KCNC2: variants seen among roughly 807,000 people sequenced by gnomAD.
KCNC2 encodes the protein potassium voltage-gated channel subfamily C member 2, also known as voltage-gated potassium channel KCNC2.
A neutral mutation model predicts 44.5 loss-of-function variants in KCNC2; 21 were observed. That is an observed-to-expected ratio of 0.47 (90% CI 0.33 to 0.68). KCNC2 has a LOEUF of 0.68. Ranked by LOEUF, KCNC2 falls within the 30% of genes least tolerant of loss-of-function variation. KCNC2 has a pLI of 0.01. For synonymous variants in KCNC2, 391 were observed against 339.1 expected (o/e 1.15, Z -1.68); for missense variants, 589 against 826.2 (o/e 0.71, Z 3.52).
chr12:75,146,327 T>C (rs1890026962), intron 2 of KCNC2, among the ~76,000 whole-genome samples: 1 of 152,174 alleles, frequency 6.6e-6, no homozygotes, highest in Non-Finnish European at 1.5e-5. Flanking sequence ...AACATGTAGA[T>C]ATACTCACCA....
At chr12:75,132,998 G>A (rs1258504118) in intron 2 of KCNC2, among the ~76,000 whole-genome samples, 1 of 151,816 alleles carries the variant, frequency 6.6e-6, no homozygotes, top group Admixed American at 6.6e-5. Context: ...AGGTTGCTTC[G>A]AATCTTGAAT....
intron 2 of KCNC2, among the ~76,000 whole-genome samples, chr12:75,196,547 G>T (rs191604537): frequency 6.6e-6 from 1 of 152,168 alleles, no homozygotes; most frequent in East Asian, 1.9e-4. Flanking sequence ...ACATAAATGT[G>T]CTCAGTCTTT....
intron 2 of KCNC2, among the ~76,000 whole-genome samples, chr12:75,180,253 C>A (rs1365777474): frequency 6.6e-6 from 1 of 151,814 alleles, no homozygotes; most frequent in African/African-American, 2.4e-5. Context: ...AAGACTACAT[C>A]TGGTTTTGTT....
intron 2 of KCNC2, among the ~76,000 whole-genome samples, chr12:75,059,817 G>C (rs2136982974): frequency 6.7e-6 from 1 of 150,336 alleles, no homozygotes; most frequent in South Asian, 2.1e-4. Context: ...TCTACCCTAA[G>C]GAATTCACAA....
At chr12:75,179,609 A>G (rs1221780971) in intron 2 of KCNC2, among the ~76,000 whole-genome samples, 2 of 136,958 alleles carry the variant, frequency 1.5e-5, no homozygotes, top group Non-Finnish European at 3.2e-5. Context: ...AATGTGTTTT[A>G]TAAAAGATAG....
In KCNC2 at chr12:75,181,916, C is replaced by CTTTTTTTT. The variant is rs61089425; in HGVS notation, c.687+25373_687+25380dup. On this transcript the variant is annotated intron_variant, in intron 2 of 4. Transcript: ENST00000549446. ...AAACATTATTACTATTAATATCTTC[C>CTTTTTTTT]TTTTTTTTTTTTTTTTTTTTTTTTT... 1.3e-3 allele frequency among the ~76,000 whole-genome samples: 63 copies of CTTTTTTTT among 47,876 alleles called. 17 individuals carry two copies. Among genetic ancestry groups the CTTTTTTTT allele is most frequent in the East Asian group, 3.9e-3 (4 of 1,014 alleles). 31.4% of individuals were successfully genotyped at this position (47,876 alleles called of 152,430 possible).
chr12:75,189,493 C>A (rs1161574826), intron 2 of KCNC2, among the ~76,000 whole-genome samples: 6 of 152,104 alleles, frequency 3.9e-5, no homozygotes. Context: ...TGTACTTTTC[C>A]ACCTAAAAAG....
intron 2 of KCNC2, among the ~76,000 whole-genome samples, chr12:75,175,832 A>T (rs73187119): frequency 0.079 from 11,972 of 152,186 alleles, 544 homozygotes; most frequent in Admixed American, 0.14. Flanking sequence ...CAAGTATTCA[A>T]TAATAGTTTA....
intron 2 of KCNC2, among the ~76,000 whole-genome samples, chr12:75,164,434 A>G (rs1891316481): frequency 6.6e-6 from 1 of 151,716 alleles, no homozygotes. Flanking sequence ...ATAGTCTAAC[A>G]CATTCTACTG....
At chr12:75,085,047 A>G (rs192439543) in intron 2 of KCNC2, among the ~76,000 whole-genome samples, 1 of 151,714 alleles carries the variant, frequency 6.6e-6, no homozygotes, top group East Asian at 1.9e-4. Flanking sequence ...AAAAAAGGAC[A>G]TCATCCTATT....
rs879625849 is a variant in KCNC2 at position 75,090,374 on chromosome 12, AT to A, written c.688-39058del. 1.3e-4 allele frequency among the ~76,000 whole-genome samples: 19 copies of A among 151,014 alleles called. No homozygotes were observed. The East Asian group carries it at 3.7e-3, about 29-fold the overall frequency. ...CATTATGCCCTTTTTTACACCAGATATTTTTTTTCCTCTCCACCCTCACTGC... is the reference window on the plus strand; with the variant it reads ...CATTATGCCCTTTTTTACACCAGATATTTTTTTCCTCTCCACCCTCACTGC... On this transcript the variant is annotated intron_variant, in intron 2 of 4. Coordinates refer to ENST00000549446, the MANE Select transcript of KCNC2 (RefSeq NM_139137.4).
At chr12:75,187,718 A>C (rs1335152392) in intron 2 of KCNC2, among the ~76,000 whole-genome samples, 1 of 152,216 alleles carries the variant, frequency 6.6e-6, no homozygotes, top group Non-Finnish European at 1.5e-5. Context: ...CTGTCTGAAA[A>C]TATCACAAGT....
In KCNC2 at chr12:75,207,477, G is replaced by A. The variant is rs960429937; in HGVS notation, c.507C>T (p.Phe169=). 1 of 1,612,518 alleles carries A rather than the reference G, an allele frequency of 6.2e-7. No homozygotes were observed. The highest frequency in any genetic ancestry group is 1.3e-5 in the African/African-American group (1 of 74,990). The change falls in exon 2 of 5, where the codon TTC becomes TTT. Residue 169 remains phenylalanine (F), a synonymous_variant. Transcript: ENST00000549446. The surrounding 1 kb of genome is among the most constrained non-coding windows in gnomAD (Gnocchi z 4.1). Reference sequence around the variant, plus strand: ...CGCCGCCAATGAGGTCGGGGGTCTCGAAGATGTCCAGCGCCTCCTCGGCGT... The same window carrying A: ...CGCCGCCAATGAGGTCGGGGGTCTCAAAGATGTCCAGCGCCTCCTCGGCGT... The part of the protein sequence containing the change: ...HRDAEEALDI[F]ETPDLIGGDP...
Position 75,065,345 on chromosome 12 carries a change from G to A in KCNC2, c.688-14028C>T, listed in dbSNP as rs184978786. 6.6e-5 allele frequency among the ~76,000 whole-genome samples: 10 copies of A among 152,010 alleles called. No homozygotes were observed. The East Asian group carries it at 1.9e-3, about 29-fold the overall frequency. The stretch of plus-strand genomic sequence containing the variant: ...GAGTATGTAGTCATTTGGTGTATTG[G>A]TATGCCTCAAATAAAATGTCAGTTT... On this transcript the variant is annotated intron_variant, in intron 2 of 4. Transcript: ENST00000549446.
At chr12:75,045,727 A>C (rs1880422897) in intron 4 of KCNC2, among the ~76,000 whole-genome samples, 1 of 151,982 alleles carries the variant, frequency 6.6e-6, no homozygotes, top group African/African-American at 2.4e-5. Context: ...TAGTTTATGC[A>C]ATATGCTTTC....
At chr12:75,184,324 A>C (rs1892791607) in intron 2 of KCNC2, among the ~76,000 whole-genome samples, 1 of 152,290 alleles carries the variant, frequency 6.6e-6, no homozygotes, top group South Asian at 2.1e-4. Flanking sequence ...TATACTATTT[A>C]AGAGCATATG....
chr12:75,167,967 T>C lies in KCNC2; in HGVS notation c.687+39330A>G, dbSNP rs532477799. ...AATCTCTGCATTTTATCTTCTATAT[T>C]TGAATGACAACTCTTTGCTTAAAAT... is the stretch of plus-strand genomic sequence containing the variant. On this transcript the variant is annotated intron_variant, in intron 2 of 4. Coordinates refer to ENST00000549446, the MANE Select transcript of KCNC2 (RefSeq NM_139137.4). Among the ~76,000 whole-genome samples the C allele has an allele frequency of 2.0e-5, 3 of 151,470 alleles. No homozygotes were observed. The East Asian group carries it at 5.8e-4, about 29-fold the overall frequency.
intron 2 of KCNC2, among the ~76,000 whole-genome samples, chr12:75,093,030 A>G (rs1268681952): frequency 6.7e-6 from 1 of 148,372 alleles, no homozygotes; most frequent in Non-Finnish European, 1.5e-5. Flanking sequence ...TTTTTTTTTA[A>G]TCGTTCGAGT....
intron 2 of KCNC2, among the ~76,000 whole-genome samples, chr12:75,119,993 T>C (rs1042868951): frequency 1.3e-5 from 2 of 152,312 alleles, no homozygotes; most frequent in Admixed American, 6.5e-5. Context: ...CAAAGAGTTA[T>C]CATGCTCTGC....
Sources: allele counts gnomAD v4.1 joint callset (sites outside exome capture counted in the v4.1 genomes callset), GRCh38; gene constraint gnomAD v4.1.1; non-coding constraint Gnocchi (gnomAD v3.1); transcripts MANE v1.5; gene names NCBI Gene and HGNC (gene_info 2026-07-23, HGNC 2026-07-21).